ARHGEF28: variants seen among roughly 807,000 people sequenced by gnomAD.
The protein encoded by ARHGEF28 is 190 kDa guanine nucleotide exchange factor.
In ARHGEF28, 152 loss-of-function variants were observed where a neutral mutation model predicts 206.6. That is an observed-to-expected ratio of 0.74 (90% CI 0.64 to 0.84). ARHGEF28 has a LOEUF of 0.84. Among genes scored for constraint, ARHGEF28 ranks in the 40% least tolerant of loss-of-function variants. The pLI is 0.00. For missense variants in ARHGEF28, 2,028 were observed against 2,073.2 expected (o/e 0.98, Z 0.42); for synonymous variants, 763 against 776.4 (o/e 0.98, Z 0.29).
intron 9 of ARHGEF28, among the ~76,000 whole-genome samples, chr5:73,802,865 G>A (rs183849686): frequency 7.4e-6 from 1 of 135,362 alleles, no homozygotes; most frequent in Admixed American, 7.7e-5. Context: ...CAGCAAGCTC[G>A]ATTGCTGTGT....
intron 35 of ARHGEF28, among the ~76,000 whole-genome samples, chr5:73,929,902 A>C (rs979141675): frequency 9.2e-5 from 14 of 152,320 alleles, no homozygotes; most frequent in South Asian, 8.3e-4. Context: ...ATAGCTATTT[A>C]AATATATATG....
In ARHGEF28 at chr5:73,864,774, T is replaced by C. The variant is rs762941575; in HGVS notation, c.2048-43T>C. On this transcript the variant is annotated intron_variant, in intron 16 of 35. Transcript: ENST00000513042. ...TGTAGTCTTATTAATTTCAGACTAA[T>C]TAAGTAAGATGGATGCTTTTGTATC... 5.8e-6 allele frequency: 9 copies of C among 1,562,950 alleles called. No individual in the cohort carries two copies. In the East Asian group the frequency reaches 2.0e-4, roughly 35 times the overall value.
At chr5:73,761,499 A>T (rs1161431465) in intron 4 of ARHGEF28, among the ~76,000 whole-genome samples, 1 of 152,134 alleles carries the variant, frequency 6.6e-6, no homozygotes, top group Non-Finnish European at 1.5e-5. Flanking sequence ...TTCTTAGGGA[A>T]ATGAATAATT....
At chr5:73,650,661 A>G (rs191644992) in intron 1 of ARHGEF28, among the ~76,000 whole-genome samples, 51 of 149,000 alleles carry the variant, frequency 3.4e-4, no homozygotes, top group African/African-American at 1.2e-3. Flanking sequence ...TTTTTTGACA[A>G]TGTCTCACCC....
intron 2 of ARHGEF28, among the ~76,000 whole-genome samples, chr5:73,747,567 T>A (rs972523417): frequency 2.0e-5 from 3 of 152,334 alleles, no homozygotes; most frequent in Admixed American, 6.5e-5. Context: ...TGTCTTCCTC[T>A]CCTGCCCATC....
At chr5:73,765,922 G>T (rs887498157) in intron 4 of ARHGEF28, among the ~76,000 whole-genome samples, 6 of 152,180 alleles carry the variant, frequency 3.9e-5, no homozygotes, top group African/African-American at 7.2e-5. Flanking sequence ...GGAGGCCGAG[G>T]TGGGCGGATC....
At chr5:73,936,871 T>A (rs1221777317) in intron 35 of ARHGEF28, among the ~76,000 whole-genome samples, 2 of 152,188 alleles carry the variant, frequency 1.3e-5, no homozygotes, top group Non-Finnish European at 2.9e-5. Context: ...CCCAGCCACT[T>A]TGTTCATTTT....
chr5:73,765,955 A>T (rs1031851766), intron 4 of ARHGEF28, among the ~76,000 whole-genome samples: 1 of 152,202 alleles, frequency 6.6e-6, no homozygotes, highest in Non-Finnish European at 1.5e-5. Flanking sequence ...GATCGAGACC[A>T]TCTTGGCTAA....
intron 2 of ARHGEF28, among the ~76,000 whole-genome samples, chr5:73,727,384 A>G (rs575439650): frequency 9.2e-5 from 14 of 152,320 alleles, no homozygotes; most frequent in African/African-American, 2.6e-4. Context: ...CTCTGAATAT[A>G]CATATCCACT....
intron 2 of ARHGEF28, among the ~76,000 whole-genome samples, chr5:73,686,856 G>C (rs1324833969): frequency 6.6e-6 from 1 of 152,014 alleles, no homozygotes; most frequent in East Asian, 1.9e-4. Flanking sequence ...AAAAAATGCT[G>C]ATAAGAGTAA....
intron 35 of ARHGEF28, among the ~76,000 whole-genome samples, chr5:73,937,399 T>G (rs937497543): frequency 3.3e-5 from 5 of 152,230 alleles, no homozygotes; most frequent in Non-Finnish European, 7.3e-5. Context: ...CTTGGTTTAG[T>G]CAGGCTTTGG....
intron 2 of ARHGEF28, among the ~76,000 whole-genome samples, chr5:73,709,295 AAAACACTTCCATCACCTATC>A (rs151091102): frequency 0.018 from 2,747 of 152,304 alleles, 82 homozygotes; most frequent in African/African-American, 0.063. Context: ...AGAACCATAT[AAAACACTTCCATCACCTATC>A]AAATTTTCTC....
At chr5:73,940,634 G>C (rs948090775) in intron 35 of ARHGEF28, among the ~76,000 whole-genome samples, 58 of 152,224 alleles carry the variant, frequency 3.8e-4, no homozygotes, top group African/African-American at 1.4e-3. Flanking sequence ...TTTAGTCACA[G>C]GAGACATTTG....
chr5:73,700,248 T>C (rs1296655129), intron 2 of ARHGEF28, among the ~76,000 whole-genome samples: 2 of 152,082 alleles, frequency 1.3e-5, no homozygotes, highest in African/African-American at 2.4e-5. Context: ...TGGGAACCCG[T>C]GTGTGTGTGT....
chr5:73,751,960 GGAT>G (rs746819113), intron 3 of ARHGEF28, among the ~76,000 whole-genome samples: 1 of 152,080 alleles, frequency 6.6e-6, no homozygotes, highest in Non-Finnish European at 1.5e-5. Context: ...AGTAAACTTG[GGAT>G]AGTCTTGTTC....
At chr5:73,682,126 T>C (rs1007925024) in intron 1 of ARHGEF28, among the ~76,000 whole-genome samples, 2 of 152,184 alleles carry the variant, frequency 1.3e-5, no homozygotes, top group South Asian at 2.1e-4. Flanking sequence ...TATAAACCCA[T>C]TTAAGTGGGT....
intron 18 of ARHGEF28, among the ~76,000 whole-genome samples, chr5:73,866,913 A>C (rs1759742098): frequency 6.6e-6 from 1 of 152,184 alleles, no homozygotes; most frequent in East Asian, 1.9e-4. Flanking sequence ...AAACCACTTT[A>C]ATCGGGACAA....
At chr5:73,932,456 CA>C (rs1207450817) in intron 35 of ARHGEF28, among the ~76,000 whole-genome samples, 13 of 152,004 alleles carry the variant, frequency 8.6e-5, no homozygotes, top group Non-Finnish European at 1.5e-4. Flanking sequence ...CCCAAGTTTA[CA>C]AATAAGGAAA....
chr5:73,720,256 G>C (rs1197604930), intron 2 of ARHGEF28, among the ~76,000 whole-genome samples: 2 of 152,260 alleles, frequency 1.3e-5, no homozygotes, highest in East Asian at 3.9e-4. Context: ...ATTACCCCAT[G>C]AATAGACATG....
Sources: gnomAD v4.1 joint callset for allele counts (sites outside exome capture counted in the v4.1 genomes callset) on GRCh38, gnomAD v4.1.1 for gene constraint, MANE v1.5 for transcripts, NCBI Gene and HGNC (gene_info 2026-07-23, HGNC 2026-07-21) for gene names.